The following SMAD4 variants were observed in gnomAD, a reference collection of about 807,000 sequenced individuals.
SMAD4 encodes the protein MAD homolog 4.
Under a neutral mutation model 63.2 loss-of-function variants are expected in SMAD4, and 7 were observed. The ratio of observed to expected loss-of-function variants is 0.11; its 90% confidence interval spans 0.06 to 0.21. The LOEUF is 0.21. SMAD4 is among the 10% of genes least tolerant of loss of function. SMAD4 has a pLI of 1.00. For synonymous variants in SMAD4, 215 were observed against 235.4 expected, an observed-to-expected ratio of 0.91 and a Z score of 0.79; for missense variants, 312 against 693.8, an observed-to-expected ratio of 0.45 and a Z score of 6.18.
chr18:51,031,272 G>A (rs1412203555), intron 1 of SMAD4, among the ~76,000 whole-genome samples: 2 of 152,044 alleles, frequency 1.3e-5, no homozygotes. Flanking sequence ...GTGTAGGGTG[G>A]AGGGCGGTGG....
chr18:51,045,699 A>G (rs778734892), intron 1 of SMAD4, among the ~76,000 whole-genome samples: 6 of 152,168 alleles, frequency 3.9e-5, no homozygotes, highest in Non-Finnish European at 7.4e-5. Flanking sequence ...GGTTTTTACT[A>G]TAGTCAGAGT....
At chr18:51,061,001 A>C (rs186237286) in intron 8 of SMAD4, among the ~76,000 whole-genome samples, 82 of 152,162 alleles carry the variant, frequency 5.4e-4, no homozygotes, top group Admixed American at 5.9e-4. Context: ...AGCCTCCCAA[A>C]GTGCTGGGAT....
intron 11 of SMAD4, among the ~76,000 whole-genome samples, chr18:51,077,794 A>C (rs1910507822): frequency 6.6e-6 from 1 of 152,180 alleles, no homozygotes; most frequent in East Asian, 1.9e-4. Flanking sequence ...TTTGAAATTG[A>C]GAGAGAGACT....
intron 10 of SMAD4, among the ~76,000 whole-genome samples, chr18:51,069,570 C>T (rs891334581): frequency 6.6e-6 from 1 of 152,062 alleles, no homozygotes; most frequent in Non-Finnish European, 1.5e-5. Context: ...TTTGCCTTAC[C>T]CTGGCATCTG....
chr18:51,043,038 C>T (rs569965816), intron 1 of SMAD4, among the ~76,000 whole-genome samples: 1 of 152,220 alleles, frequency 6.6e-6, no homozygotes, highest in Admixed American at 6.5e-5. Flanking sequence ...AGTTGGCATG[C>T]CTGAGTATTT....
chr18:51,066,972 T>C, intron 9 of SMAD4, 47 bp from the exon 10 acceptor site: 1 of 1,454,624 alleles, frequency 6.9e-7, no homozygotes, highest in Non-Finnish European at 9.6e-7. Flanking sequence ...AAAATTTAAT[T>C]TAAAATACTT....
At chr18:51,056,825 T>C (rs1909859672) in intron 5 of SMAD4, among the ~76,000 whole-genome samples, 1 of 152,172 alleles carries the variant, frequency 6.6e-6, no homozygotes, top group Admixed American at 6.5e-5. Context: ...CTTTACAATT[T>C]ATGTTCTTTT....
chr18:51,044,964 C>G (rs1909496606), intron 1 of SMAD4: 1 of 152,216 alleles, frequency 6.6e-6, no homozygotes. Context: ...ATATGAAAAA[C>G]TGCTTCTCTG....
intron 8 of SMAD4, among the ~76,000 whole-genome samples, chr18:51,063,471 G>C (rs918322519): frequency 5.9e-5 from 9 of 152,072 alleles, no homozygotes; most frequent in African/African-American, 1.9e-4. Flanking sequence ...GGAGTGCAGT[G>C]GCACTCTCAT....
chr18:51,049,419 G>A, intron 4 of SMAD4, 95 bp downstream of exon 4: 1 of 884,066 alleles, frequency 1.1e-6, no homozygotes, highest in Non-Finnish European at 1.9e-6. Flanking sequence ...GCGGCAGGCA[G>A]TAACATTAAC....
rs1555685962 is a variant in SMAD4 at position 51,058,397 on chromosome 18, A to C, written c.845A>C (p.His282Pro). ...GCACCATACACACCTAATTTGCCTC[A>C]CCACCAAAACGGCCATCTTCAGCAC... ...RTAPYTPNLP[H>P]HQNGHLQHHP... Residue 282 changes from histidine to proline, a missense_variant, in exon 7 of 12, where the codon CAC (histidine) becomes CCC (proline). By Grantham distance (77) the His-to-Pro change is moderately conservative. This residue lies in a region of SMAD4 where 169 missense variants were observed against 211.0 expected (regional missense o/e 0.80). Transcript: ENST00000342988. The C allele has an allele frequency of 3.1e-6, 5 of 1,613,538 alleles. No individual in the cohort carries two copies. Among genetic ancestry groups the C allele is most frequent in the Non-Finnish European group, 4.2e-6 (5 of 1,179,934 alleles).
intron 8 of SMAD4, among the ~76,000 whole-genome samples, chr18:51,061,957 A>C (rs1033757018): frequency 3.3e-5 from 5 of 152,206 alleles, no homozygotes; most frequent in African/African-American, 1.2e-4. Flanking sequence ...CTCATATTTT[A>C]GTTTAAGAAA....
At chr18:51,076,025 C>T (rs571027336) in intron 10 of SMAD4, among the ~76,000 whole-genome samples, 129 of 152,150 alleles carry the variant, frequency 8.5e-4, no homozygotes, top group African/African-American at 3.0e-3. Flanking sequence ...AATGAAGTCC[C>T]ATATACCCAT....
chr18:51,076,037 G>T (rs1379112896), intron 10 of SMAD4, among the ~76,000 whole-genome samples: 2 of 152,010 alleles, frequency 1.3e-5, no homozygotes, highest in East Asian at 3.8e-4. Flanking sequence ...TATACCCATC[G>T]CACGGATTAA....
intron 10 of SMAD4, among the ~76,000 whole-genome samples, chr18:51,068,896 A>G (rs1458091111): frequency 2.0e-5 from 3 of 152,162 alleles, no homozygotes; most frequent in Non-Finnish European, 2.9e-5. Flanking sequence ...GCTCCAGACT[A>G]GGTGATAGAG....
In SMAD4 at chr18:51,060,813, A is replaced by G. The variant is rs562396849; in HGVS notation, c.955+897A>G. Among the ~76,000 whole-genome samples the G allele has an allele frequency of 2.6e-5, 4 of 152,148 alleles. No homozygotes were observed. The East Asian group carries it at 7.7e-4, about 29-fold the overall frequency. ...CATGCCTGGCTAATGTTTGTATTTT[A>G]GTAGATAACAGGGTCTCACCATGTT... is the stretch of plus-strand genomic sequence containing the variant. On this transcript the variant is annotated intron_variant, in intron 8 of 11. Transcript: ENST00000342988.
chr18:51,030,784 C>T (rs1363655302), intron 1 of SMAD4, among the ~76,000 whole-genome samples, 161 bp downstream of exon 1: 1 of 151,314 alleles, frequency 6.6e-6, no homozygotes, highest in Non-Finnish European at 1.5e-5. Flanking sequence ...CCTGACGAGC[C>T]GGGCCGGGCG....
At chr18:51,060,482 T>C (rs1909978061) in intron 8 of SMAD4, among the ~76,000 whole-genome samples, 1 of 152,120 alleles carries the variant, frequency 6.6e-6, no homozygotes, top group African/African-American at 2.4e-5. Context: ...CAAACATAGA[T>C]TTTGAATTTT....
At position 51,057,906 on chromosome 18, in the gene SMAD4, G is replaced by C. The variant is rs1013119525; in HGVS notation, c.668-219G>C. On this transcript the variant is annotated intron_variant, in intron 5 of 11. Transcript: ENST00000342988. ...AGAAATAAGCCACTACAATTAGTTA[G>C]ACATTACCTAAAATGGAATAATTTT... Among the ~76,000 whole-genome samples, 5 of 152,206 alleles carry C rather than the reference G, an allele frequency of 3.3e-5. No homozygotes were observed. The South Asian group carries it at 1.0e-3, about 32-fold the overall frequency.
Sources: gnomAD v4.1 joint callset for allele counts (sites outside exome capture counted in the v4.1 genomes callset) on GRCh38, gnomAD v4.1.1 for gene constraint, gnomAD v4.1.1 regional missense constraint, MANE v1.5 for transcripts, NCBI Gene and HGNC (gene_info 2026-07-23, HGNC 2026-07-21) for gene names.